The following ASCC3 variants were observed in gnomAD, a reference collection of about 807,000 sequenced individuals.
ASCC3 encodes the protein ASC-1 complex subunit P200.
ASCC3 carries 158 observed loss-of-function variants against 256.3 expected under a neutral mutation model. The observed-to-expected ratio is 0.62, with a 90% CI of 0.54 to 0.70. The LOEUF (loss-of-function observed/expected upper bound fraction) is 0.70. Ranked by LOEUF, ASCC3 falls within the 30% of genes least tolerant of loss-of-function variation. The pLI is 0.00. For synonymous variants in ASCC3, 948 were observed against 883.4 expected, an observed-to-expected ratio of 1.07 and a Z score of -1.30; for missense variants, 2,259 against 2,626.0, an observed-to-expected ratio of 0.86 and a Z score of 3.05.
At position 100,725,703 on chromosome 6, in the gene ASCC3, T is replaced by C; in HGVS notation, c.1738A>G (p.Met580Val). The C allele has an allele frequency of 6.2e-7, 1 of 1,612,272 alleles. No homozygotes were observed. The highest frequency in any genetic ancestry group is 8.5e-7 in the Non-Finnish European group (1 of 1,178,780). Residue 580 changes from methionine to valine, a missense_variant and splice_region_variant, in exon 11 of 42, where the codon ATG (methionine) becomes GTG (valine). Met to Val is a conservative substitution (Grantham distance 21). Transcript: ENST00000369162. ...LSKSEILRTQ[M>V]LVTTPEKWDV... ...CATTTTTCTGGTGTGGTCACAAGCA[T>C]CTATAAGAGAAGACACATTTTAAAA...
Position 100,607,032 on chromosome 6 carries a change from G to T in ASCC3, c.4842C>A (p.Phe1614Leu). Residue 1614 changes from phenylalanine to leucine, a missense_variant, in exon 31 of 42, where the codon TTC becomes TTA. Physicochemically the swap from Phe to Leu is conservative, Grantham distance 22 (BLOSUM62 0). Transcript: ENST00000369162. ...RDSNLKLTLA[F>L]GIGMHHAGLH... Reference sequence around the variant, plus strand: ...GTCCAGCATGATGCATTCCTATCCCGAAAGCAAGGGTCAGCTTGAGGTTGG... The same window carrying T: ...GTCCAGCATGATGCATTCCTATCCCTAAAGCAAGGGTCAGCTTGAGGTTGG... 3 of 1,613,474 alleles carry T rather than the reference G, an allele frequency of 1.9e-6. No individual in the cohort carries two copies. Among genetic ancestry groups the T allele is most frequent in the Non-Finnish European group, 2.5e-6 (3 of 1,179,726 alleles).
At chr6:100,567,344 G>A (rs1356289462) in intron 36 of ASCC3, among the ~76,000 whole-genome samples, 3 of 151,976 alleles carry the variant, frequency 2.0e-5, no homozygotes, top group Non-Finnish European at 4.4e-5. Context: ...GGCATTCCAT[G>A]ACTAGAGGCA....
At chr6:100,574,436 C>G (rs981465042) in intron 36 of ASCC3, among the ~76,000 whole-genome samples, 1 of 151,996 alleles carries the variant, frequency 6.6e-6, no homozygotes, top group Non-Finnish European at 1.5e-5. Context: ...CTGTTGGGAG[C>G]TGAGTTTTTA....
chr6:100,589,800 G>C, intron 35 of ASCC3, 32 bp from the exon 36 acceptor site: 1 of 1,612,634 alleles, frequency 6.2e-7, no homozygotes, highest in South Asian at 1.1e-5. Flanking sequence ...TGAAGAGTAC[G>C]ATGAAAGTAC....
intron 4 of ASCC3, among the ~76,000 whole-genome samples, chr6:100,811,310 A>C (rs1006227287): frequency 6.6e-6 from 1 of 152,190 alleles, no homozygotes; most frequent in African/African-American, 2.4e-5. Flanking sequence ...ATATAGAAAA[A>C]AAACACAACT....
chr6:100,710,267 A>C (rs17190683), intron 13 of ASCC3, among the ~76,000 whole-genome samples: 52,504 of 152,012 alleles, frequency 0.35, 10,694 homozygotes, highest in Middle Eastern at 0.51. Context: ...TGCACACAAA[A>C]GATGGAGAGG....
intron 13 of ASCC3, among the ~76,000 whole-genome samples, chr6:100,696,675 T>G (rs1778097533): frequency 6.6e-6 from 1 of 152,032 alleles, no homozygotes; most frequent in Admixed American, 6.6e-5. Flanking sequence ...GAAAAATGAC[T>G]GCAAGCAAAC....
At position 100,675,647 on chromosome 6, in the gene ASCC3, C is replaced by T. The variant is rs1421477326; in HGVS notation, c.2286+3971G>A. 4.6e-5 allele frequency among the ~76,000 whole-genome samples: 7 copies of T among 152,128 alleles called. No homozygotes were observed. In the South Asian group the frequency reaches 6.2e-4, roughly 14 times the overall value. ...GATACGTATTACTATTGGATTCTTC[C>T]TCTTTTTATAACTTGTTCAATAGAT... On this transcript the variant is annotated intron_variant, in intron 14 of 41. Transcript: ENST00000369162.
chr6:100,723,893 TATATTTATA>T (rs1457827969), intron 11 of ASCC3, among the ~76,000 whole-genome samples: 2,665 of 123,056 alleles, frequency 0.022, 47 homozygotes, highest in Non-Finnish European at 0.033. Flanking sequence ...TATATATATA[TATATTTATA>T]ATTATATATA....
chr6:100,806,469 T>C (rs184573982), intron 4 of ASCC3, among the ~76,000 whole-genome samples: 1 of 151,972 alleles, frequency 6.6e-6, no homozygotes, highest in African/African-American at 2.4e-5. Context: ...TAAGTTGATG[T>C]CAGAGTTAGA....
intron 36 of ASCC3, among the ~76,000 whole-genome samples, chr6:100,574,068 C>T (rs1441685666): frequency 6.6e-6 from 1 of 152,042 alleles, no homozygotes; most frequent in Non-Finnish European, 1.5e-5. Flanking sequence ...CAATGGCACA[C>T]AGAACTAGAT....
intron 38 of ASCC3, among the ~76,000 whole-genome samples, chr6:100,517,583 C>G (rs1250606922): frequency 2.0e-5 from 3 of 152,120 alleles, no homozygotes; most frequent in African/African-American, 7.2e-5. Context: ...TTTGCAGATG[C>G]ACAATTTACT....
intron 37 of ASCC3, among the ~76,000 whole-genome samples, chr6:100,533,770 C>G (rs888288411): frequency 1.3e-5 from 2 of 152,148 alleles, no homozygotes; most frequent in Admixed American, 1.3e-4. Flanking sequence ...TATTCTTATA[C>G]TATTTGGCTT....
intron 2 of ASCC3, among the ~76,000 whole-genome samples, chr6:100,864,998 G>T (rs184860578): frequency 6.6e-6 from 1 of 152,286 alleles, no homozygotes; most frequent in East Asian, 1.9e-4. Context: ...TAGTGGGTCA[G>T]GTAGAAAGCA....
chr6:100,752,776 ATAAGAAGTCT>A (rs1219303387), intron 10 of ASCC3, among the ~76,000 whole-genome samples: 2 of 152,194 alleles, frequency 1.3e-5, no homozygotes, highest in African/African-American at 4.8e-5. Context: ...AATACTGTAC[ATAAGAAGTCT>A]TAATAAAAAA....
intron 10 of ASCC3, among the ~76,000 whole-genome samples, chr6:100,743,217 C>T (rs1780516726): frequency 6.6e-6 from 1 of 152,126 alleles, no homozygotes; most frequent in Non-Finnish European, 1.5e-5. Context: ...CTTGGGTGGG[C>T]CATCATCCCA....
intron 37 of ASCC3, among the ~76,000 whole-genome samples, chr6:100,525,786 T>C (rs1214117349): frequency 1.3e-5 from 2 of 152,176 alleles, no homozygotes; most frequent in Non-Finnish European, 2.9e-5. Context: ...CTTTGCAACT[T>C]TTCTGGAAAT....
In ASCC3 at chr6:100,810,244, G is replaced by T. The variant is rs186777410; in HGVS notation, c.802-4364C>A. Among the ~76,000 whole-genome samples, 7 of 152,212 alleles carry T rather than the reference G, an allele frequency of 4.6e-5. 1 individual carries two copies. In the East Asian group the frequency reaches 1.2e-3, roughly 25 times the overall value. On this transcript the variant is annotated intron_variant, in intron 4 of 41. Transcript: ENST00000369162. Reference sequence around the variant, plus strand: ...CTCTACATGCTGGTCTTACTAGGCAGAATGACCTTTCTAATCTCCTCAGCA... The same window carrying T: ...CTCTACATGCTGGTCTTACTAGGCATAATGACCTTTCTAATCTCCTCAGCA...
chr6:100,874,907 A>G (rs1297184602), intron 1 of ASCC3, among the ~76,000 whole-genome samples: 1 of 152,204 alleles, frequency 6.6e-6, no homozygotes, highest in Non-Finnish European at 1.5e-5. Context: ...TAACAGACTT[A>G]ATTACTTTTA....
Sources: gnomAD v4.1 joint callset for allele counts (sites outside exome capture counted in the v4.1 genomes callset) on GRCh38, gnomAD v4.1.1 for gene constraint, MANE v1.5 for transcripts, NCBI Gene and HGNC (gene_info 2026-07-23, HGNC 2026-07-21) for gene names.